The following NCLN variants were observed in gnomAD, a reference collection of about 807,000 sequenced individuals.
The protein encoded by NCLN is nicalin, also known as BOS complex subunit NCLN.
A neutral mutation model predicts 69.5 loss-of-function variants in NCLN; 34 were observed. That is an observed-to-expected ratio of 0.49 (90% CI 0.37 to 0.65). NCLN has a LOEUF of 0.65. Ranked by LOEUF, NCLN falls within the 30% of genes least tolerant of loss-of-function variation. NCLN has a pLI of 0.00. For synonymous variants in NCLN, 393 were observed against 358.3 expected (o/e 1.10, Z -1.09); for missense variants, 710 against 804.8 (o/e 0.88, Z 1.42).
At chr19:3,196,904 A>G (rs1344055289) in intron 4 of NCLN, among the ~76,000 whole-genome samples, 1 of 152,184 alleles carries the variant, frequency 6.6e-6, no homozygotes. Flanking sequence ...GTCCACACAG[A>G]TGAGGGGTTG....
rs1915879503 is a variant in NCLN at position 3,193,359 on chromosome 19, G to A, written c.451G>A (p.Ala151Thr). ...VPVYFAVEDE[A>T]LLSIYKQTQA... Reference sequence around the variant, plus strand: ...CGTGTACTTTGCCGTGGAGGACGAGGCCCTGCTGTCTATCTACAAGCAGAC... The same window carrying A: ...CGTGTACTTTGCCGTGGAGGACGAGACCCTGCTGTCTATCTACAAGCAGAC... Residue 151 changes from alanine to threonine, a missense_variant, in exon 3 of 15, where the codon GCC becomes ACC. Ala to Thr is a moderately conservative substitution (Grantham distance 58, BLOSUM62 0). Transcript: ENST00000246117. The A allele has an allele frequency of 2.5e-6, 4 of 1,612,500 alleles. No individual in the cohort carries two copies. The highest frequency in any genetic ancestry group is 3.4e-6 in the Non-Finnish European group (4 of 1,179,980).
rs1371065440 is a variant in NCLN, at chr19:3,196,392, A to T, written c.615+115A>T. On this transcript the variant is annotated intron_variant, in intron 4 of 14. Transcript: ENST00000246117. ...GCCGCTGATGGGAAACTGGAGTCGG[A>T]TCGCCCCCCTGCCTGGCTGAAAACC... is the stretch of plus-strand genomic sequence containing the variant. 3.0e-5 allele frequency: 22 copies of T among 735,074 alleles called. No individual in the cohort carries two copies. The East Asian group carries it at 6.1e-4, about 20-fold the overall frequency. The allele number at this position is 735,074 out of a possible 1,614,324, so 45.5% of individuals were successfully genotyped here.
intron 4 of NCLN, 27 bp from the exon 5 acceptor site, chr19:3,198,790 G>T: frequency 5.1e-6 from 8 of 1,566,544 alleles, no homozygotes; most frequent in Non-Finnish European, 6.9e-6. Flanking sequence ...GGAACAGCCA[G>T]GCCATTCCCC....
In NCLN at chr19:3,204,489, G is replaced by A. The variant is rs906858106; in HGVS notation, c.1030-84G>A. Reference sequence around the variant, plus strand: ...CTCATTTTGCACCCTCGGGGGTTCTGGGAGGCCCCTGGAGCATTTGGGGAA... The same window carrying A: ...CTCATTTTGCACCCTCGGGGGTTCTAGGAGGCCCCTGGAGCATTTGGGGAA... On this transcript the variant is annotated intron_variant, in intron 8 of 14. Coordinates refer to ENST00000246117, the MANE Select transcript of NCLN (RefSeq NM_020170.4). 4 of 1,394,708 alleles carry A rather than the reference G, an allele frequency of 2.9e-6. No individual in the cohort carries two copies. The African/African-American group carries it at 5.9e-5, about 21-fold the overall frequency. The allele number at this position is 1,394,708 out of a possible 1,614,324, so 86.4% of individuals were successfully genotyped here. A position where few individuals can be genotyped will look rare whatever the true frequency, so the allele number is the denominator to read the frequency against.
chr19:3,192,750 C>T, intron 2 of NCLN, 90 bp downstream of exon 2: 3 of 1,192,426 alleles, frequency 2.5e-6, no homozygotes, highest in Non-Finnish European at 2.2e-6. Context: ...GTCACTTCGC[C>T]TCTCTGAGCC....
At chr19:3,191,969 A>G (rs1428637084) in intron 1 of NCLN, among the ~76,000 whole-genome samples, 5 of 152,028 alleles carry the variant, frequency 3.3e-5, no homozygotes, top group African/African-American at 1.2e-4. Flanking sequence ...TGCGAGTATC[A>G]CCTGGGGTCG....
At chr19:3,204,917 C>T (rs1283512139) in intron 9 of NCLN, among the ~76,000 whole-genome samples, 166 bp downstream of exon 9, 6 of 152,196 alleles carry the variant, frequency 3.9e-5, no homozygotes, top group African/African-American at 9.7e-5. Flanking sequence ...TCAGGCCGTT[C>T]GCAAGCTCTT....
chr19:3,195,440 G>A (rs191090984), intron 3 of NCLN, among the ~76,000 whole-genome samples: 8 of 151,822 alleles, frequency 5.3e-5, no homozygotes, highest in African/African-American at 9.7e-5. Flanking sequence ...TAGTAGAGAC[G>A]GGGTTTCACC....
intron 12 of NCLN, 122 bp downstream of exon 12, chr19:3,206,547 G>T: frequency 7.7e-7 from 1 of 1,293,092 alleles, no homozygotes; most frequent in Admixed American, 2.8e-5. Flanking sequence ...AAGAGAGGGT[G>T]GGATGAGGGC....
intron 5 of NCLN, among the ~76,000 whole-genome samples, chr19:3,201,101 G>GAGGGTGGA (rs1916114083): frequency 6.6e-6 from 1 of 152,238 alleles, no homozygotes; most frequent in Non-Finnish European, 1.5e-5. Context: ...GCCGGGGCTC[G>GAGGGTGGA]AGGGTGGAAG....
At chr19:3,197,277 C>T (rs960448642) in intron 4 of NCLN, among the ~76,000 whole-genome samples, 18 of 152,202 alleles carry the variant, frequency 1.2e-4, no homozygotes, top group African/African-American at 4.1e-4. Context: ...GCCCTTTCTC[C>T]TGTGAGCAGA....
intron 1 of NCLN, 66 bp from the exon 2 acceptor site, chr19:3,192,404 G>C (rs920666512): frequency 1.6e-5 from 22 of 1,374,012 alleles, no homozygotes; most frequent in Non-Finnish European, 2.1e-5. Flanking sequence ...TCCCTGGCCT[G>C]GATCTGTCCC....
chr19:3,186,253 C>T (rs1453054480), intron 1 of NCLN, 39 bp downstream of exon 1: 10 of 1,426,814 alleles, frequency 7.0e-6, no homozygotes, highest in Non-Finnish European at 8.2e-6. Context: ...TCCCCGGGCT[C>T]CCCGGCCACG....
In NCLN at chr19:3,192,454, G is replaced by A. The variant is rs748005028; in HGVS notation, c.185-16G>A. The A allele has an allele frequency of 1.8e-5, 29 of 1,568,104 alleles. No homozygotes were observed. The highest frequency in any genetic ancestry group is 5.8e-5 in the South Asian group (5 of 86,248). ...GCCACCCGCCGAGGCTCACGACCCC[G>A]CCCCTGTGCCCACAGGCACACGGAA... On this transcript the variant is annotated splice_polypyrimidine_tract_variant and intron_variant, in intron 1 of 14. Transcript: ENST00000246117.
intron 3 of NCLN, among the ~76,000 whole-genome samples, chr19:3,195,804 A>AG (rs770766365): frequency 6.6e-6 from 1 of 152,196 alleles, no homozygotes; most frequent in East Asian, 1.9e-4. Flanking sequence ...TTAAAAAAAA[A>AG]GTTGTGTTTT....
chr19:3,189,158 C>G (rs1218923872), intron 1 of NCLN, among the ~76,000 whole-genome samples: 1 of 152,214 alleles, frequency 6.6e-6, no homozygotes, highest in Non-Finnish European at 1.5e-5. Context: ...GCACCCCTCT[C>G]CTGGGAGTGG....
intron 12 of NCLN, among the ~76,000 whole-genome samples, 156 bp downstream of exon 12, chr19:3,206,581 A>G (rs911499648): frequency 9.2e-5 from 14 of 152,214 alleles, no homozygotes; most frequent in African/African-American, 2.7e-4. Flanking sequence ...TGTGCCTGCA[A>G]TCCCAGTACT....
At chr19:3,188,923 G>T (rs1239432982) in intron 1 of NCLN, among the ~76,000 whole-genome samples, 1 of 152,226 alleles carries the variant, frequency 6.6e-6, no homozygotes, top group Admixed American at 6.5e-5. Flanking sequence ...GAGCCCTGCC[G>T]AGGACAGGCC....
chr19:3,207,696 AC>A lies in NCLN; in HGVS notation c.*13del. The A allele has an allele frequency of 6.2e-7, 1 of 1,605,966 alleles. No individual in the cohort carries two copies. The highest frequency in any genetic ancestry group is 2.2e-5 in the East Asian group (1 of 44,610). ...AAGGCCAAGACACAGTGACACAGCC[AC>A]CCCCACAGCCGGAGCCCCCGCCGCT... On this transcript the variant is annotated 3_prime_UTR_variant, in exon 15 of 15. Coordinates refer to ENST00000246117, the MANE Select transcript of NCLN (RefSeq NM_020170.4).
Sources: gnomAD v4.1 joint callset for allele counts (sites outside exome capture counted in the v4.1 genomes callset) on GRCh38, gnomAD v4.1.1 for gene constraint, MANE v1.5 for transcripts, NCBI Gene and HGNC (gene_info 2026-07-23, HGNC 2026-07-21) for gene names.